The following LRP3 variants were observed in gnomAD, a reference collection of about 807,000 sequenced individuals.
LRP3 encodes the protein LDL receptor related protein 3.
A neutral mutation model predicts 58.5 loss-of-function variants in LRP3; 49 were observed. The observed-to-expected ratio is 0.84, with a 90% CI of 0.67 to 1.06. The LOEUF is 1.06. Ranked by LOEUF, LRP3 falls within the 50% of genes least tolerant of loss-of-function variation. The pLI is 0.00. For missense variants in LRP3, 1,019 were observed against 1,134.2 expected (o/e 0.90, Z 1.46); for synonymous variants, 485 against 492.2 (o/e 0.99, Z 0.20).
intron 2 of LRP3, among the ~76,000 whole-genome samples, chr19:33,200,344 G>A (rs1307455819): frequency 6.6e-6 from 1 of 152,172 alleles, no homozygotes; most frequent in Non-Finnish European, 1.5e-5. Flanking sequence ...CGATTCTCCT[G>A]CCTCGGCCTC....
chr19:33,195,853 G>A (rs1452631000), intron 1 of LRP3, among the ~76,000 whole-genome samples: 12 of 152,208 alleles, frequency 7.9e-5, no homozygotes, highest in African/African-American at 2.4e-4. Context: ...GGTGAGCAGA[G>A]CAGGGGGACA....
intron 1 of LRP3, 96 bp downstream of exon 1, chr19:33,194,954 G>A: frequency 1.8e-6 from 1 of 555,086 alleles, no homozygotes; most frequent in African/African-American, 2.0e-5. Flanking sequence ...GGCATCCCGA[G>A]CCCCCCACCG....
rs913230775 is a variant in LRP3 at position 33,208,606 on chromosome 19, C to T, written c.*1031C>T. 7 of 491,310 alleles carry T rather than the reference C, an allele frequency of 1.4e-5. No individual in the cohort carries two copies. The highest frequency in any genetic ancestry group is 6.6e-5 in the Admixed American group (2 of 30,282). 30.4% of individuals were successfully genotyped at this position (491,310 alleles called of 1,614,324 possible). A position where few individuals can be genotyped will look rare whatever the true frequency, so the allele number is the denominator to read the frequency against. On this transcript the variant is annotated 3_prime_UTR_variant, in exon 7 of 7. Transcript: ENST00000253193. The surrounding 1 kb of genome is among the most constrained non-coding windows in gnomAD (Gnocchi z 4.7). ...TGGCCAGCAACATGTGTGCACCCAC[C>T]GAGGTACGCCCCAGCCACTCCCATC...
rs1974437214 is a variant in LRP3, at chr19:33,207,495, C to T, written c.2233C>T (p.Leu745=). The T allele has an allele frequency of 6.2e-7, 1 of 1,602,878 alleles. No homozygotes were observed. The highest frequency in any genetic ancestry group is 8.5e-7 in the Non-Finnish European group (1 of 1,177,824). The change falls in exon 7 of 7, where the codon CTG becomes TTG. Residue 745 remains leucine (L), a synonymous_variant. Coordinates refer to ENST00000253193, the MANE Select transcript of LRP3 (RefSeq NM_002333.4). ...CCTGGGCCCCCACTCGCCAGAGCCA[C>T]TGGGGGTCTGCAGGAACCCCCCGCC... The part of the protein sequence containing the change: ...STLGPHSPEP[L]GVCRNPPPPC...
chr19:33,197,920 C>T (rs185536152), intron 2 of LRP3, among the ~76,000 whole-genome samples: 11 of 152,336 alleles, frequency 7.2e-5, no homozygotes, highest in Admixed American at 7.2e-4. Flanking sequence ...GGAGCCCGGC[C>T]TCCTCTGATG....
chr19:33,203,063 A>T, intron 3 of LRP3, 77 bp downstream of exon 3: 1 of 1,526,434 alleles, frequency 6.6e-7, no homozygotes, highest in Non-Finnish European at 8.9e-7. Context: ...TGTGTGTGTG[A>T]GCAGGTGTGG....
intron 3 of LRP3, 103 bp from the exon 4 acceptor site, chr19:33,204,534 TG>T (rs1974377834): frequency 3.7e-6 from 3 of 803,708 alleles, no homozygotes; most frequent in East Asian, 4.9e-5. Context: ...GGGACAGGGC[TG>T]GCTGTCCTGG....
Position 33,207,747 on chromosome 19 carries a change from A to C in LRP3, c.*172A>C. 3 of 488,626 alleles carry C rather than the reference A, an allele frequency of 6.1e-6. No individual in the cohort carries two copies. Among genetic ancestry groups the C allele is most frequent in the East Asian group, 5.9e-5 (2 of 33,778 alleles). 30.3% of individuals were successfully genotyped at this position (488,626 alleles called of 1,614,324 possible). A position where few individuals can be genotyped will look rare whatever the true frequency, so the allele number is the denominator to read the frequency against. On this transcript the variant is annotated 3_prime_UTR_variant, in exon 7 of 7. Coordinates refer to ENST00000253193, the MANE Select transcript of LRP3 (RefSeq NM_002333.4). ...CTGGTGGGCGGGAGCTGTGGGACTG[A>C]ACGGCGGGGGGGAGAAGAGTGGAGT...
intron 1 of LRP3, 50 bp downstream of exon 1, chr19:33,194,908 C>A (rs1974269549): frequency 1.0e-6 from 1 of 982,936 alleles, no homozygotes; most frequent in South Asian, 4.8e-5. Flanking sequence ...GCATGGCAGT[C>A]CGCGCCGCGC....
intron 2 of LRP3, among the ~76,000 whole-genome samples, chr19:33,198,791 C>T (rs1047872365): frequency 6.6e-6 from 1 of 152,210 alleles, no homozygotes; most frequent in African/African-American, 2.4e-5. Flanking sequence ...GGGCTTCATG[C>T]AGTTTGCAGG....
In LRP3 at chr19:33,205,271, G is replaced by A. The variant is rs1398309072; in HGVS notation, c.501G>A (p.Gln167=). The change falls in exon 5 of 7, where the codon CAG becomes CAA. Residue 167 remains glutamine (Q), a synonymous_variant. Coordinates refer to ENST00000253193, the MANE Select transcript of LRP3 (RefSeq NM_002333.4). ...IRGKLGQASC[Q]ADEFRCDNGK... ...GGAAGCTGGGCCAGGCATCCTGCCA[G>A]GCAGATGAGTTCCGCTGTGACAACG... 1 of 1,609,918 alleles carries A rather than the reference G, an allele frequency of 6.2e-7. No homozygotes were observed. Among genetic ancestry groups the A allele is most frequent in the South Asian group, 1.1e-5 (1 of 90,240 alleles).
At chr19:33,206,561 G>A (rs560075147) in intron 5 of LRP3, 40 bp from the exon 6 acceptor site, 12 of 1,596,134 alleles carry the variant, frequency 7.5e-6, no homozygotes, top group African/African-American at 6.7e-5. Context: ...TGCAGGTCCC[G>A]GGCAGCCCAG....
At position 33,194,440 on chromosome 19, in the gene LRP3, C is replaced by A. The variant is rs1429750210; in HGVS notation, c.-346C>A. 1 of 143,040 alleles carries A rather than the reference C, an allele frequency of 7.0e-6. No individual in the cohort carries two copies. Among genetic ancestry groups the A allele is most frequent in the Admixed American group, 6.9e-5 (1 of 14,558 alleles). 8.9% of individuals were successfully genotyped at this position (143,040 alleles called of 1,614,324 possible). A position where few individuals can be genotyped will look rare whatever the true frequency, so the allele number is the denominator to read the frequency against. The stretch of plus-strand genomic sequence containing the variant: ...CGGGCTGCGCGCCGCGGGGCATGGG[C>A]GCGCCGGGGGTCCCCGGGCCCAGGC... On this transcript the variant is annotated 5_prime_UTR_variant, in exon 1 of 7. Coordinates refer to ENST00000253193, the MANE Select transcript of LRP3 (RefSeq NM_002333.4).
Position 33,208,551 on chromosome 19 carries a change from C to A in LRP3, c.*976C>A. 2.6e-6 allele frequency: 1 copy of A among 380,416 alleles called. No individual in the cohort carries two copies. Among genetic ancestry groups the A allele is most frequent in the South Asian group, 2.4e-5 (1 of 42,102 alleles). 23.6% of individuals were successfully genotyped at this position (380,416 alleles called of 1,614,324 possible). Reference sequence around the variant, plus strand: ...CAGCAAAGCCCCCTAATGTCAAGAGCCTCCTCCAGGGCCTGCCACGGCATC... The same window carrying A: ...CAGCAAAGCCCCCTAATGTCAAGAGACTCCTCCAGGGCCTGCCACGGCATC... On this transcript the variant is annotated 3_prime_UTR_variant, in exon 7 of 7. Transcript: ENST00000253193. This position sits in a 1 kb window ranked among gnomAD's most constrained non-coding sequence, Gnocchi z 4.7.
rs1974466245 is a variant in LRP3, at chr19:33,208,831, A to G, written c.*1256A>G. On this transcript the variant is annotated 3_prime_UTR_variant, in exon 7 of 7. Coordinates refer to ENST00000253193, the MANE Select transcript of LRP3 (RefSeq NM_002333.4). The surrounding 1 kb of genome is among the most constrained non-coding windows in gnomAD (Gnocchi z 4.7). Reference sequence around the variant, plus strand: ...AAACAAAACAAAACTTTTTTGCCAAAACACCTCCTCAATAAACAACATGTA... The same window carrying G: ...AAACAAAACAAAACTTTTTTGCCAAGACACCTCCTCAATAAACAACATGTA... 6.2e-7 allele frequency: 1 copy of G among 1,609,658 alleles called. No individual in the cohort carries two copies. Among genetic ancestry groups the G allele is most frequent in the Admixed American group, 1.7e-5 (1 of 59,426 alleles).
In LRP3 at chr19:33,208,788, T is replaced by TC; in HGVS notation, c.*1214dup. 1 of 1,514,576 alleles carries TC rather than the reference T, an allele frequency of 6.6e-7. No homozygotes were observed. Among genetic ancestry groups the TC allele is most frequent in the Non-Finnish European group, 9.1e-7 (1 of 1,102,616 alleles). 93.8% of individuals were successfully genotyped at this position (1,514,576 alleles called of 1,614,324 possible). On this transcript the variant is annotated 3_prime_UTR_variant, in exon 7 of 7. Coordinates refer to ENST00000253193, the MANE Select transcript of LRP3 (RefSeq NM_002333.4). This position sits in a 1 kb window ranked among gnomAD's most constrained non-coding sequence, Gnocchi z 4.7. ...AGGCTTCTGAGAGTCGTATCTTTTT[T>TC]CTTTTTTTTCCAGAAAAAAACAAAA...
chr19:33,203,319 T>C (rs868099373), intron 3 of LRP3, among the ~76,000 whole-genome samples: 2 of 144,126 alleles, frequency 1.4e-5, no homozygotes, highest in African/African-American at 2.8e-5. Flanking sequence ...TAGGTGTGTG[T>C]GCATATGTGT....
chr19:33,204,409 C>T (rs963641266), intron 3 of LRP3: 12 of 572,268 alleles, frequency 2.1e-5, no homozygotes, highest in East Asian at 5.7e-5. Flanking sequence ...GCGTGGATGT[C>T]GCAATTCTTC....
chr19:33,207,692 A>C lies in LRP3; in HGVS notation c.*117A>C. On this transcript the variant is annotated 3_prime_UTR_variant, in exon 7 of 7. Transcript: ENST00000253193. ...AGAGGCCCTCCGGGGACCCCAGCGG[A>C]GGGGCTGGCCCCTAAGCCAGCTGGC... The C allele has an allele frequency of 2.5e-6, 2 of 808,654 alleles. No individual in the cohort carries two copies. The highest frequency in any genetic ancestry group is 5.3e-5 in the East Asian group (2 of 37,918). The allele number at this position is 808,654 out of a possible 1,614,324, so 50.1% of individuals were successfully genotyped here.
Sources: allele counts gnomAD v4.1 joint callset (sites outside exome capture counted in the v4.1 genomes callset), GRCh38; gene constraint gnomAD v4.1.1; non-coding constraint Gnocchi (gnomAD v3.1); transcripts MANE v1.5; gene names NCBI Gene and HGNC (gene_info 2026-07-23, HGNC 2026-07-21).